The following LMX1A variants were observed in gnomAD, a reference collection of about 807,000 sequenced individuals.
The protein encoded by LMX1A is LIM homeobox transcription factor 1-alpha.
LMX1A carries 15 observed loss-of-function variants against 49.1 expected under a neutral mutation model. The ratio of observed to expected loss-of-function variants is 0.31; its 90% CI spans 0.20 to 0.47. The LOEUF (loss-of-function observed/expected upper bound fraction) is 0.47, where lower values mean the gene tolerates loss of function less well. Among genes scored for constraint, LMX1A ranks in the 20% least tolerant of loss-of-function variants. LMX1A has a pLI of 1.00. For synonymous variants in LMX1A, 167 were observed against 185.7 expected (o/e 0.90, Z 0.82); for missense variants, 372 against 475.8 (o/e 0.78, Z 2.03).
intron 3 of LMX1A, among the ~76,000 whole-genome samples, chr1:165,284,995 C>T (rs2101709474): frequency 6.6e-6 from 1 of 152,350 alleles, no homozygotes; most frequent in East Asian, 1.9e-4. Context: ...TTGACCTTGC[C>T]TGGCTATGCC....
At chr1:165,219,290 T>C (rs1651751902) in intron 4 of LMX1A, among the ~76,000 whole-genome samples, 1 of 152,140 alleles carries the variant, frequency 6.6e-6, no homozygotes, top group Admixed American at 6.6e-5. Flanking sequence ...TATCTGAGCT[T>C]GGCCTAGGAG....
chr1:165,280,945 A>G lies in LMX1A; in HGVS notation c.264-31305T>C, dbSNP rs558599198. Among the ~76,000 whole-genome samples the G allele has an allele frequency of 2.0e-5, 3 of 152,270 alleles. No homozygotes were observed. In the South Asian group the frequency reaches 6.2e-4, roughly 32 times the overall value. ...CAGAAACTTAAGGTCTAGAGACCAG[A>G]TTATGATCCTGATGGATATGCTACT... On this transcript the variant is annotated intron_variant, in intron 3 of 8. Transcript: ENST00000342310.
intron 3 of LMX1A, among the ~76,000 whole-genome samples, chr1:165,305,774 C>G (rs1156530108): frequency 6.6e-6 from 1 of 152,174 alleles, no homozygotes; most frequent in Non-Finnish European, 1.5e-5. Flanking sequence ...AGCCCACATT[C>G]ACAGTTCTTT....
At chr1:165,234,719 A>T (rs980399230) in intron 4 of LMX1A, among the ~76,000 whole-genome samples, 1 of 152,254 alleles carries the variant, frequency 6.6e-6, no homozygotes, top group African/African-American at 2.4e-5. Flanking sequence ...CCAAACTAAA[A>T]ACTAAAGTAA....
chr1:165,272,042 C>G (rs1653810796), intron 3 of LMX1A, among the ~76,000 whole-genome samples: 1 of 151,948 alleles, frequency 6.6e-6, no homozygotes, highest in East Asian at 1.9e-4. Flanking sequence ...GGTACATGTG[C>G]AGGATGTGCA....
rs71097567 is a variant in LMX1A at position 165,247,054 on chromosome 1, CTTTTTTTT to C, written c.496+2346_496+2353del. Among the ~76,000 whole-genome samples the C allele has an allele frequency of 3.4e-4, 18 of 53,228 alleles. No individual in the cohort carries two copies. The East Asian group carries it at 7.2e-3, about 21-fold the overall frequency. The allele number at this position is 53,228 out of a possible 152,430, so 34.9% of individuals were successfully genotyped here. On this transcript the variant is annotated intron_variant, in intron 4 of 8. Coordinates refer to ENST00000342310, the MANE Select transcript of LMX1A (RefSeq NM_177398.4). ...GTTACTTAGATCAGATCAGCTTTTTCTTTTTTTTTTTTTTTTTTTTTTTTTTGCAGGGT... is the reference window on the plus strand; with the variant it reads ...GTTACTTAGATCAGATCAGCTTTTTCTTTTTTTTTTTTTTTTTTGCAGGGT...
At chr1:165,282,676 G>A (rs548036287) in intron 3 of LMX1A, among the ~76,000 whole-genome samples, 217 of 152,186 alleles carry the variant, frequency 1.4e-3, no homozygotes, top group African/African-American at 5.1e-3. Context: ...ACTCATTCAC[G>A]TGGCAGTTAG....
intron 4 of LMX1A, among the ~76,000 whole-genome samples, chr1:165,233,102 T>C (rs903035607): frequency 2.6e-5 from 4 of 152,240 alleles, no homozygotes; most frequent in African/African-American, 4.8e-5. Context: ...TTCACAAGTT[T>C]GTTTTCCCAT....
At chr1:165,322,338 G>A (rs1204625639) in intron 3 of LMX1A, among the ~76,000 whole-genome samples, 1 of 152,136 alleles carries the variant, frequency 6.6e-6, no homozygotes, top group Non-Finnish European at 1.5e-5. Flanking sequence ...AGGCCCAAGC[G>A]AACTGAAAAT....
At chr1:165,278,766 C>T (rs1449704092) in intron 3 of LMX1A, among the ~76,000 whole-genome samples, 1 of 152,204 alleles carries the variant, frequency 6.6e-6, no homozygotes, top group Non-Finnish European at 1.5e-5. Context: ...CAACAAAAGC[C>T]TGCTTCTCAC....
At chr1:165,284,756 G>A (rs938463872) in intron 3 of LMX1A, among the ~76,000 whole-genome samples, 7 of 152,180 alleles carry the variant, frequency 4.6e-5, no homozygotes, top group African/African-American at 1.2e-4. Flanking sequence ...CTTACAAAGC[G>A]TTGGCCACCC....
At chr1:165,324,140 T>C (rs189231676) in intron 3 of LMX1A, among the ~76,000 whole-genome samples, 67 of 152,320 alleles carry the variant, frequency 4.4e-4, no homozygotes, top group Non-Finnish European at 7.6e-4. Flanking sequence ...GGAATGGATG[T>C]TGAATAAGTG....
intron 3 of LMX1A, among the ~76,000 whole-genome samples, chr1:165,292,616 G>A (rs376607410): frequency 2.6e-4 from 39 of 152,294 alleles, no homozygotes; most frequent in African/African-American, 8.7e-4. Context: ...AATGCCTGAG[G>A]ATGAAAATTA....
chr1:165,211,583 C>T (rs6426903), intron 5 of LMX1A, among the ~76,000 whole-genome samples: 107,559 of 152,100 alleles, frequency 0.71, 38,883 homozygotes, highest in East Asian at 1. Context: ...CTTGAATAAA[C>T]GTGTGAGTAG....
At chr1:165,217,481 G>A (rs973893270) in intron 4 of LMX1A, among the ~76,000 whole-genome samples, 22 of 152,152 alleles carry the variant, frequency 1.4e-4, no homozygotes, top group African/African-American at 7.2e-5. Flanking sequence ...CCTTCTCTCC[G>A]CATCCCTGAA....
At chr1:165,328,219 C>T (rs1349275718) in intron 3 of LMX1A, among the ~76,000 whole-genome samples, 5 of 152,244 alleles carry the variant, frequency 3.3e-5, no homozygotes, top group Non-Finnish European at 7.3e-5. Context: ...GCAAAGTATC[C>T]GTTCTGTGAC....
intron 3 of LMX1A, among the ~76,000 whole-genome samples, chr1:165,311,735 G>A (rs1469091670): frequency 6.6e-6 from 1 of 152,214 alleles, no homozygotes; most frequent in Non-Finnish European, 1.5e-5. Context: ...GAGGCTCCTG[G>A]AAAAGCAAGC....
chr1:165,299,490 T>C (rs181005368), intron 3 of LMX1A, among the ~76,000 whole-genome samples: 2 of 152,320 alleles, frequency 1.3e-5, no homozygotes, highest in African/African-American at 2.4e-5. Context: ...GATATCATTA[T>C]TGAACAAAAG....
chr1:165,354,941 CT>C (rs992584243), intron 2 of LMX1A, among the ~76,000 whole-genome samples: 5 of 152,078 alleles, frequency 3.3e-5, no homozygotes, highest in Admixed American at 2.6e-4. Context: ...CGACATCCAG[CT>C]CCAGTTAATT....
Sources: allele counts gnomAD v4.1 joint callset (sites outside exome capture counted in the v4.1 genomes callset), GRCh38; gene constraint gnomAD v4.1.1; transcripts MANE v1.5; gene names NCBI Gene and HGNC (gene_info 2026-07-23, HGNC 2026-07-21).